Variants in PALM2AKAP2 observed in about 807,000 individuals in gnomAD.
PALM2AKAP2 encodes the protein PALM2-AKAP2 fusion protein.
Under a neutral mutation model 71.5 loss-of-function variants are expected in PALM2AKAP2, and 37 were observed. That is an observed-to-expected ratio of 0.52 (90% CI 0.40 to 0.68). The LOEUF is 0.68. Among genes scored for constraint, PALM2AKAP2 ranks in the 30% least tolerant of loss-of-function variants. PALM2AKAP2 has a pLI of 0.00. For missense variants in PALM2AKAP2, 1,224 were observed against 1,191.8 expected (o/e 1.03, Z -0.40); for synonymous variants, 468 against 478.8 (o/e 0.98, Z 0.29).
In PALM2AKAP2 at chr9:110,156,507, T is replaced by G. The variant is rs1320585483; in HGVS notation, c.2748+10T>G. On this transcript the variant is annotated intron_variant, in intron 3 of 3. Transcript: ENST00000374525. The stretch of plus-strand genomic sequence containing the variant: ...AATGGATGATAGTAGTGTAAGTTTT[T>G]CCTCCTTTCCTCTTTCACTTCTCTG... The G allele has an allele frequency of 6.3e-7, 1 of 1,585,972 alleles. No homozygotes were observed. The highest frequency in any genetic ancestry group is 1.8e-5 in the Admixed American group (1 of 56,930).
intron 1 of PALM2AKAP2, among the ~76,000 whole-genome samples, chr9:109,801,095 G>C (rs1225008156): frequency 6.6e-6 from 1 of 152,246 alleles, no homozygotes; most frequent in East Asian, 1.9e-4. Flanking sequence ...TAACAGGGTA[G>C]ATTTGGGGGT....
At chr9:109,690,392 C>T (rs1002942972) in intron 1 of PALM2AKAP2, among the ~76,000 whole-genome samples, 2 of 152,130 alleles carry the variant, frequency 1.3e-5, no homozygotes, top group Admixed American at 6.5e-5. Flanking sequence ...TGTCTCTCTC[C>T]GTCTCTTTCT....
intron 1 of PALM2AKAP2, among the ~76,000 whole-genome samples, chr9:110,053,527 CAAAAAAAAAAA>C (rs56132919): frequency 2.4e-5 from 2 of 82,876 alleles, no homozygotes; most frequent in Admixed American, 1.6e-4. Flanking sequence ...AACTCTGTCT[CAAAAAAAAAAA>C]AAAAAAAAAA....
rs71373964 is a variant in PALM2AKAP2, at chr9:110,088,703, G to GTTTTTTTTTTTT, written c.156+39869_156+39880dup. 1.3e-4 allele frequency among the ~76,000 whole-genome samples: 10 copies of GTTTTTTTTTTTT among 75,572 alleles called. 1 individual carries two copies. The highest frequency in any genetic ancestry group is 6.7e-4 in the East Asian group (1 of 1,486). 49.6% of individuals were successfully genotyped at this position (75,572 alleles called of 152,430 possible). ...TAGCTATTAAAGTTTGCATTTACGT[G>GTTTTTTTTTTTT]TTTTTTTTTTTTTTTTTTTTTTTTT... On this transcript the variant is annotated intron_variant, in intron 1 of 3. Transcript: ENST00000374525.
intron 6 of PALM2AKAP2, among the ~76,000 whole-genome samples, chr9:109,991,732 A>G (rs1216165658): frequency 6.6e-6 from 1 of 152,214 alleles, no homozygotes; most frequent in Non-Finnish European, 1.5e-5. Flanking sequence ...GGAAAGAGCA[A>G]ACAGCTCTAT....
intron 1 of PALM2AKAP2, among the ~76,000 whole-genome samples, chr9:110,098,513 G>A (rs2118852081): frequency 6.6e-6 from 1 of 152,282 alleles, no homozygotes; most frequent in East Asian, 1.9e-4. Flanking sequence ...TCTCAATGAA[G>A]CTGTTTTAAA....
At chr9:109,744,817 A>G (rs2118695044) in intron 1 of PALM2AKAP2, among the ~76,000 whole-genome samples, 1 of 152,286 alleles carries the variant, frequency 6.6e-6, no homozygotes, top group South Asian at 2.1e-4. Context: ...CCTGATCACA[A>G]TGATGTCTGT....
chr9:110,135,164 A>AAAAATATATATATATAT, intron 1 of PALM2AKAP2, among the ~76,000 whole-genome samples: 1 of 51,728 alleles, frequency 1.9e-5, no homozygotes, highest in Non-Finnish European at 3.8e-5. Flanking sequence ...AAAAAAAAAA[A>AAAAATATATATATATAT]ATATATAAAT....
intron 6 of PALM2AKAP2, among the ~76,000 whole-genome samples, chr9:109,980,446 G>T (rs1313735418): frequency 6.6e-6 from 1 of 152,152 alleles, no homozygotes; most frequent in Non-Finnish European, 1.5e-5. Flanking sequence ...AAAGAGCTCT[G>T]CATGCTCCTT....
At chr9:109,939,983 T>C (rs1588022283) in intron 6 of PALM2AKAP2, among the ~76,000 whole-genome samples, 1 of 152,350 alleles carries the variant, frequency 6.6e-6, no homozygotes, top group Non-Finnish European at 1.5e-5. Flanking sequence ...GATGGAACAA[T>C]ATCATCACTG....
chr9:109,657,165 T>C (rs2132237918), intron 1 of PALM2AKAP2, among the ~76,000 whole-genome samples: 1 of 152,374 alleles, frequency 6.6e-6, no homozygotes, highest in Admixed American at 6.5e-5. Flanking sequence ...CCAAACATTT[T>C]GTAAGAAAAA....
intron 6 of PALM2AKAP2, among the ~76,000 whole-genome samples, chr9:109,938,852 A>G (rs1327045444): frequency 6.6e-6 from 1 of 152,080 alleles, no homozygotes; most frequent in Non-Finnish European, 1.5e-5. Context: ...AACATGGTGA[A>G]ACCCCATCTC....
intron 1 of PALM2AKAP2, among the ~76,000 whole-genome samples, chr9:109,679,776 T>C (rs1403768519): frequency 6.6e-6 from 1 of 152,138 alleles, no homozygotes; most frequent in African/African-American, 2.4e-5. Context: ...TCCCCTAGGG[T>C]AAAGAAACTT....
At chr9:110,160,281 C>T (rs1172981276) in intron 3 of PALM2AKAP2, among the ~76,000 whole-genome samples, 1 of 152,228 alleles carries the variant, frequency 6.6e-6, no homozygotes, top group East Asian at 1.9e-4. Flanking sequence ...AACACACACC[C>T]AGATGCAGCA....
intron 3 of PALM2AKAP2, among the ~76,000 whole-genome samples, chr9:109,912,789 G>A (rs985568194): frequency 2.2e-4 from 34 of 152,126 alleles, no homozygotes; most frequent in African/African-American, 8.2e-4. Flanking sequence ...TGGAAGAAGG[G>A]GTCAGATAAT....
Position 109,932,031 on chromosome 9 carries a change from A to G in PALM2AKAP2, c.496+3A>G. 1.9e-6 allele frequency: 3 copies of G among 1,611,842 alleles called. No individual in the cohort carries two copies. Among genetic ancestry groups the G allele is most frequent in the East Asian group, 2.2e-5 (1 of 44,796 alleles). On this transcript the variant is annotated splice_donor_region_variant and intron_variant, in intron 6 of 9. Coordinates refer to the PALM2AKAP2 transcript ENST00000302798. ...GGACGGGACCAGCAGAGCGGCTGGT[A>G]AGTCCTGGGGACCTTTGGACGCTAG... is the stretch of plus-strand genomic sequence containing the variant.
At chr9:109,902,309 C>A (rs772971908) in intron 3 of PALM2AKAP2, among the ~76,000 whole-genome samples, 28 of 152,240 alleles carry the variant, frequency 1.8e-4, no homozygotes, top group Non-Finnish European at 4.0e-4. Context: ...TTCTATAGCA[C>A]CCTTTCATCT....
intron 7 of PALM2AKAP2, among the ~76,000 whole-genome samples, chr9:110,028,373 T>C (rs148261674): frequency 1.3e-5 from 2 of 152,368 alleles, no homozygotes; most frequent in East Asian, 3.9e-4. Flanking sequence ...TGCCGTTTTA[T>C]TTCTTCGCTG....
intron 7 of PALM2AKAP2, among the ~76,000 whole-genome samples, chr9:110,032,164 G>A (rs374472752): frequency 5.2e-4 from 79 of 151,426 alleles, no homozygotes; most frequent in African/African-American, 1.9e-3. Context: ...CCATCATACT[G>A]TAGCTTAAGA....
Sources: allele counts gnomAD v4.1 joint callset (sites outside exome capture counted in the v4.1 genomes callset), GRCh38; gene constraint gnomAD v4.1.1; transcripts MANE v1.5; gene names NCBI Gene and HGNC (gene_info 2026-07-23, HGNC 2026-07-21).